The following HMCN1 variants were observed in gnomAD, a reference collection of about 807,000 sequenced individuals.
HMCN1 encodes hemicentin-1.
HMCN1 carries 321 observed loss-of-function variants against 625.9 expected under a neutral mutation model. That is an observed-to-expected ratio of 0.51 (90% CI 0.47 to 0.56). The LOEUF (loss-of-function observed/expected upper bound fraction) is 0.56. Among genes scored for constraint, HMCN1 ranks in the 20% least tolerant of loss-of-function variants. The pLI is 0.00. For synonymous variants in HMCN1, 2,425 were observed against 2,417.6 expected (o/e 1.00, Z -0.09); for missense variants, 6,588 against 6,887.3 (o/e 0.96, Z 1.54).
intron 1 of HMCN1, among the ~76,000 whole-genome samples, chr1:185,747,351 C>T (rs1478665166): frequency 1.3e-5 from 2 of 149,902 alleles, no homozygotes; most frequent in African/African-American, 2.5e-5. Flanking sequence ...CAGAGTTTTA[C>T]TTCATCACCC....
intron 104 of HMCN1, 26 bp downstream of exon 104, chr1:186,178,792 C>T: frequency 6.9e-7 from 1 of 1,459,160 alleles, no homozygotes; most frequent in Non-Finnish European, 9.6e-7. Flanking sequence ...ATTACATTTC[C>T]TTTCTGTGGG....
chr1:186,040,704 T>C (rs1246048636), intron 39 of HMCN1, among the ~76,000 whole-genome samples: 1 of 152,196 alleles, frequency 6.6e-6, no homozygotes, highest in African/African-American at 2.4e-5. Context: ...TTCTCACTCA[T>C]GTTTCTCCCC....
At chr1:186,009,441 C>T (rs1368364286) in intron 30 of HMCN1, among the ~76,000 whole-genome samples, 1 of 151,750 alleles carries the variant, frequency 6.6e-6, no homozygotes, top group East Asian at 1.9e-4. Flanking sequence ...ATCTCTTAGG[C>T]TTAAATTTAT....
intron 93 of HMCN1, among the ~76,000 whole-genome samples, chr1:186,150,687 G>C (rs1321184875): frequency 6.6e-6 from 1 of 152,066 alleles, no homozygotes; most frequent in African/African-American, 2.4e-5. Context: ...ACAAATAAAA[G>C]AACACAGGGT....
chr1:185,813,614 A>G (rs1339614602), intron 1 of HMCN1, among the ~76,000 whole-genome samples: 1 of 152,130 alleles, frequency 6.6e-6, no homozygotes, highest in African/African-American at 2.4e-5. Context: ...TGGCCTCTTT[A>G]TAGAGGGTTG....
chr1:186,148,504 ATTTC>A (rs941324263), intron 93 of HMCN1, among the ~76,000 whole-genome samples: 15 of 151,892 alleles, frequency 9.9e-5, no homozygotes, highest in African/African-American at 3.1e-4. Context: ...CTTAGAAAAT[ATTTC>A]TTTCTGTTTT....
At chr1:185,825,215 A>G (rs1660442670) in intron 1 of HMCN1, among the ~76,000 whole-genome samples, 1 of 152,168 alleles carries the variant, frequency 6.6e-6, no homozygotes, top group Admixed American at 6.6e-5. Context: ...CAAAGCATAC[A>G]CCAAAGCTGA....
Position 186,187,996 on chromosome 1 carries a change from G to C in HMCN1, c.16528G>C (p.Asp5510His). ...ACCCTGTCCACCCAACTACCAACGG[G>C]ATCCTGTTTCAGGGTATGTCTTGCC... The part of the protein sequence containing the change: ...DTPCPPNYQR[D>H]PVSGFCLKNC... Residue 5510 changes from aspartate to histidine, a missense_variant, in exon 106 of 107, where the codon GAT becomes CAT. By Grantham distance (81) the Asp-to-His change is moderately conservative (BLOSUM62 -1). This residue lies in a region of HMCN1 where 1,954 missense variants were observed against 2,013.1 expected (regional missense o/e 0.97). Transcript: ENST00000271588. 2 of 1,613,784 alleles carry C rather than the reference G, an allele frequency of 1.2e-6. No individual in the cohort carries two copies. The highest frequency in any genetic ancestry group is 1.3e-5 in the African/African-American group (1 of 74,984).
intron 83 of HMCN1, among the ~76,000 whole-genome samples, chr1:186,129,046 TAATAAC>T (rs1419848449): frequency 1.3e-5 from 2 of 152,120 alleles, no homozygotes; most frequent in African/African-American, 4.8e-5. Context: ...TGCATTACCT[TAATAAC>T]AATACATCTC....
chr1:185,750,805 C>T (rs1411659661), intron 1 of HMCN1, among the ~76,000 whole-genome samples: 1 of 150,518 alleles, frequency 6.6e-6, no homozygotes, highest in Non-Finnish European at 1.5e-5. Context: ...CCCCTCTTTT[C>T]CTACTGTTGA....
chr1:186,186,550 C>T (rs1184309581), intron 105 of HMCN1, among the ~76,000 whole-genome samples: 1 of 152,098 alleles, frequency 6.6e-6, no homozygotes, highest in Non-Finnish European at 1.5e-5. Context: ...AAATAGAGAG[C>T]TAAGACCATC....
At chr1:186,000,559 A>ATGTG (rs68110596) in intron 26 of HMCN1, among the ~76,000 whole-genome samples, 38,431 of 144,502 alleles carry the variant, frequency 0.27, 5,311 homozygotes, top group African/African-American at 0.37. Context: ...GTGTGTGTGT[A>ATGTG]TGTGTGTGTG....
chr1:186,039,901 G>A, intron 39 of HMCN1, 22 bp downstream of exon 39: 1 of 1,608,808 alleles, frequency 6.2e-7, no homozygotes, highest in Non-Finnish European at 8.5e-7. Context: ...CATTTCTTTG[G>A]TGACATTTAC....
At chr1:185,977,327 T>C (rs1224752485) in intron 15 of HMCN1, among the ~76,000 whole-genome samples, 1 of 152,172 alleles carries the variant, frequency 6.6e-6, no homozygotes, top group Non-Finnish European at 1.5e-5. Flanking sequence ...TAGCTTGTTA[T>C]ATAGTGATTA....
At chr1:186,063,456 AG>A (rs1260695360) in intron 48 of HMCN1, among the ~76,000 whole-genome samples, 2 of 13,044 alleles carry the variant, frequency 1.5e-4, no homozygotes, top group East Asian at 0.029. Context: ...GAGAGAAGGA[AG>A]GAAGGAAGGA....
In HMCN1 at chr1:186,125,766, A is replaced by G. The variant is rs377433759; in HGVS notation, c.12662A>G (p.Tyr4221Cys). The stretch of plus-strand genomic sequence containing the variant: ...TTAGGAAAATACACTGCTGAACCAT[A>G]TGGAGAACTCATTTTAGAAAATGTT... ...NLLGKYTAEP[Y>C]GELILENVVL... The change falls in exon 82 of 107, where the codon TAT becomes TGT. Residue 4221 changes from tyrosine to cysteine, a missense_variant. By Grantham distance (194) the Tyr-to-Cys change is radical. Around this residue, in one of 3 missense-constraint regions of HMCN1, gnomAD observed 1,954 missense variants for 2,013.1 expected, o/e 0.97. Transcript: ENST00000271588. 2.1e-5 allele frequency: 34 copies of G among 1,613,106 alleles called. No individual in the cohort carries two copies. The highest frequency in any genetic ancestry group is 1.6e-4 in the Middle Eastern group (1 of 6,078).
intron 46 of HMCN1, among the ~76,000 whole-genome samples, chr1:186,059,475 T>C (rs975105091): frequency 1.3e-5 from 2 of 152,056 alleles, no homozygotes; most frequent in Non-Finnish European, 2.9e-5. Flanking sequence ...GTTTTATTTA[T>C]CTTTGTTGTG....
rs1163239747 is a variant in HMCN1, at chr1:185,984,257, G to T, written c.2879G>T (p.Cys960Phe). The change falls in exon 19 of 107, where the codon TGT (cysteine) becomes TTT (phenylalanine). Residue 960 changes from cysteine to phenylalanine, a missense_variant. Physicochemically the swap from Cys to Phe is radical, Grantham distance 205 (BLOSUM62 -2). Coordinates refer to ENST00000271588, the MANE Select transcript of HMCN1 (RefSeq NM_031935.3). ...VQLQDGGEYTCVASNVAGTNN... is the reference protein window; with the variant it reads ...VQLQDGGEYTFVASNVAGTNN... ...CTTCAGGATGGTGGTGAATATACTT[G>T]TGTGGCCAGTAACGTTGCTGGGACC... is the stretch of plus-strand genomic sequence containing the variant. 1.9e-6 allele frequency: 3 copies of T among 1,613,816 alleles called. No individual in the cohort carries two copies. Among genetic ancestry groups the T allele is most frequent in the Non-Finnish European group, 2.5e-6 (3 of 1,179,894 alleles).
rs1392747383 is a variant in HMCN1, at chr1:186,016,155, C to A, written c.5107C>A (p.Gln1703Lys). Reference sequence around the variant, plus strand: ...GAAGAAACTCGAAATCATGAGTGCCCAAGAAATTGATCGAGGACAGTACAT... The same window carrying A: ...GAAGAAACTCGAAATCATGAGTGCCAAAGAAATTGATCGAGGACAGTACAT... ...GGKKLEIMSAQEIDRGQYICV... is the reference protein window; with the variant it reads ...GGKKLEIMSAKEIDRGQYICV... The change falls in exon 32 of 107, where the codon CAA becomes AAA. Residue 1703 changes from glutamine to lysine, a missense_variant. Physicochemically the swap from Gln to Lys is moderately conservative, Grantham distance 53 (BLOSUM62 1). Around this residue, in one of 3 missense-constraint regions of HMCN1, gnomAD observed 4,628 missense variants for 4,853.1 expected, o/e 0.95. Coordinates refer to ENST00000271588, the MANE Select transcript of HMCN1 (RefSeq NM_031935.3). The A allele has an allele frequency of 6.2e-7, 1 of 1,613,326 alleles. No homozygotes were observed. The highest frequency in any genetic ancestry group is 1.3e-5 in the African/African-American group (1 of 74,962).
Sources: allele counts gnomAD v4.1 joint callset (sites outside exome capture counted in the v4.1 genomes callset), GRCh38; gene constraint gnomAD v4.1.1; regional missense constraint gnomAD v4.1.1; transcripts MANE v1.5; gene names NCBI Gene and HGNC (gene_info 2026-07-23, HGNC 2026-07-21).